OTOGL: variants seen among roughly 807,000 people sequenced by gnomAD.
OTOGL encodes otogelin like.
In OTOGL, 285 loss-of-function variants were observed where a neutral mutation model predicts 318.5. The observed-to-expected ratio is 0.89, with a 90% CI of 0.81 to 0.99. The LOEUF (loss-of-function observed/expected upper bound fraction) is 0.99. OTOGL is among the 50% of genes least tolerant of loss of function. OTOGL has a pLI of 0.00. For synonymous variants in OTOGL, 987 were observed against 936.5 expected (o/e 1.05, Z -0.99); for missense variants, 2,899 against 2,845.6 (o/e 1.02, Z -0.43).
chr12:80,318,648 G>T lies in OTOGL; in HGVS notation c.3737G>T (p.Ser1246Ile), dbSNP rs968806313. Residue 1246 changes from serine (S) to isoleucine (I), a missense_variant, in exon 33 of 59, where the codon AGT becomes ATT. This residue lies in a region of OTOGL where 2,607 missense variants were observed against 2,524.9 expected (regional missense o/e 1.03). Transcript: ENST00000547103. ...AGCGTTTTCTGTTTGCCGAGAAGCA[G>T]TGTTCATACCAGTTTATTTTTTTAT... ...SRSVFCLPRS[S>I]VHTSLFFYFM... 6.8e-5 allele frequency: 99 copies of T among 1,466,666 alleles called. No individual in the cohort carries two copies. The highest frequency in any genetic ancestry group is 8.8e-5 in the Non-Finnish European group (97 of 1,106,572). 90.9% of individuals were successfully genotyped at this position (1,466,666 alleles called of 1,614,324 possible).
At chr12:80,209,242 G>C (rs1231482902) in intron 1 of OTOGL, among the ~76,000 whole-genome samples, 171 bp from the exon 2 acceptor site, 4 of 152,136 alleles carry the variant, frequency 2.6e-5, no homozygotes, top group African/African-American at 9.7e-5. Context: ...CAGCCAAAGG[G>C]TTGTCTGCAA....
At chr12:80,331,145 G>A (rs1214563721) in intron 37 of OTOGL, among the ~76,000 whole-genome samples, 1 of 152,020 alleles carries the variant, frequency 6.6e-6, no homozygotes, top group Non-Finnish European at 1.5e-5. Context: ...ACCTAGAATA[G>A]CCAAAACAGT....
At chr12:80,363,248 A>G (rs1890338425) in intron 52 of OTOGL, among the ~76,000 whole-genome samples, 1 of 152,230 alleles carries the variant, frequency 6.6e-6, no homozygotes, top group Admixed American at 6.5e-5. Context: ...TTGAAAAAAC[A>G]CAATCCTACC....
chr12:80,178,685 T>G (rs1454437619), intron 1 of OTOGL, among the ~76,000 whole-genome samples: 1 of 152,224 alleles, frequency 6.6e-6, no homozygotes, highest in Non-Finnish European at 1.5e-5. Context: ...TGTTGCCTGA[T>G]GTACAGTATC....
intron 19 of OTOGL, among the ~76,000 whole-genome samples, chr12:80,262,973 C>G (rs149042458): frequency 1.3e-5 from 2 of 152,028 alleles, no homozygotes; most frequent in African/African-American, 4.8e-5. Flanking sequence ...ACGGATCATG[C>G]GGTGGTTGTT....
At chr12:80,257,125 A>G (rs1178937188) in intron 17 of OTOGL, among the ~76,000 whole-genome samples, 3 of 152,098 alleles carry the variant, frequency 2.0e-5, no homozygotes, top group Non-Finnish European at 4.4e-5. Context: ...CTCACTCTCA[A>G]AAATGTCTTG....
chr12:80,311,546 C>T (rs1196978943), intron 30 of OTOGL, among the ~76,000 whole-genome samples: 2 of 147,382 alleles, frequency 1.4e-5, no homozygotes, highest in Admixed American at 6.6e-5. Flanking sequence ...CCTCAGCCTC[C>T]CGAGTAGCTG....
rs568706279 is a variant in OTOGL at position 80,332,725 on chromosome 12, G to C, written c.4349-280G>C. Among the ~76,000 whole-genome samples, 6 of 152,222 alleles carry C rather than the reference G, an allele frequency of 3.9e-5. No homozygotes were observed. In the South Asian group the frequency reaches 1.2e-3, roughly 32 times the overall value. On this transcript the variant is annotated intron_variant, in intron 37 of 58. Transcript: ENST00000547103. ...GTGTTGACACCATTAAGAAAGTGAA[G>C]GTGTTTAAAGAATGGTGATTAAAAG...
intron 4 of OTOGL, among the ~76,000 whole-genome samples, chr12:80,216,044 A>T (rs1877683731): frequency 1.3e-5 from 2 of 152,120 alleles, no homozygotes; most frequent in African/African-American, 4.8e-5. Context: ...GGCTGACATG[A>T]TGGCATGCGC....
At chr12:80,102,301 G>A (rs1172651286) in intron 1 of OTOGL, among the ~76,000 whole-genome samples, 2 of 152,164 alleles carry the variant, frequency 1.3e-5, no homozygotes, top group East Asian at 1.9e-4. Flanking sequence ...CTAGAACAGT[G>A]CCAGGAACAG....
chr12:80,323,380 G>A (rs1008241163), intron 34 of OTOGL, among the ~76,000 whole-genome samples: 10 of 152,146 alleles, frequency 6.6e-5, no homozygotes, highest in African/African-American at 2.4e-4. Context: ...CAGGTGCAGT[G>A]GCTCACACCT....
chr12:80,365,805 T>G (rs2138068847), intron 52 of OTOGL, among the ~76,000 whole-genome samples: 1 of 152,278 alleles, frequency 6.6e-6, no homozygotes, highest in East Asian at 1.9e-4. Context: ...CATTTATTTA[T>G]GTCAAGAATA....
At chr12:80,311,163 GT>G (rs1317000216) in intron 30 of OTOGL, among the ~76,000 whole-genome samples, 1 of 152,076 alleles carries the variant, frequency 6.6e-6, no homozygotes, top group Non-Finnish European at 1.5e-5. Flanking sequence ...TAGAAATTTC[GT>G]TTTCAAAATT....
At chr12:80,254,447 A>T (rs74488600) in intron 14 of OTOGL, 77 bp from the exon 15 acceptor site, 18,932 of 1,188,930 alleles carry the variant, frequency 0.016, 193 homozygotes, top group Middle Eastern at 0.039. Flanking sequence ...ATTTTGGTCC[A>T]TTAATCAATA....
chr12:80,368,943 A>G (rs189121221), intron 55 of OTOGL, among the ~76,000 whole-genome samples: 1 of 152,038 alleles, frequency 6.6e-6, no homozygotes, highest in East Asian at 1.9e-4. Context: ...GGAATAGACA[A>G]TTGACATTTT....
intron 1 of OTOGL, among the ~76,000 whole-genome samples, chr12:80,168,054 C>T (rs1169934357): frequency 6.6e-6 from 1 of 151,768 alleles, no homozygotes; most frequent in East Asian, 1.9e-4. Context: ...ACCTCTCAGA[C>T]TCAAGAGATG....
intron 27 of OTOGL, among the ~76,000 whole-genome samples, 156 bp downstream of exon 27, chr12:80,297,117 C>A (rs1224040024): frequency 1.3e-5 from 2 of 152,042 alleles, no homozygotes; most frequent in Non-Finnish European, 2.9e-5. Context: ...TTGTGCTTGA[C>A]TTCTCTCTTC....
intron 35 of OTOGL, 62 bp from the exon 36 acceptor site, chr12:80,328,603 T>TC: frequency 5.7e-6 from 6 of 1,061,084 alleles, no homozygotes; most frequent in Non-Finnish European, 8.3e-6. Context: ...TTAAATGTAG[T>TC]CCTTTTTTTT....
chr12:80,225,341 A>G (rs1878737680), intron 7 of OTOGL, among the ~76,000 whole-genome samples: 1 of 152,012 alleles, frequency 6.6e-6, no homozygotes. Context: ...TGTCAACGAG[A>G]TAACCTGTCC....
Sources: allele counts gnomAD v4.1 joint callset (sites outside exome capture counted in the v4.1 genomes callset), GRCh38; gene constraint gnomAD v4.1.1; regional missense constraint gnomAD v4.1.1; transcripts MANE v1.5; gene names NCBI Gene and HGNC (gene_info 2026-07-23, HGNC 2026-07-21).